OLFM3: variants seen among roughly 807,000 people sequenced by gnomAD.
The protein encoded by OLFM3 is olfactomedin 3.
OLFM3 carries 20 observed loss-of-function variants against 48.6 expected under a neutral mutation model. The ratio of observed to expected loss-of-function variants is 0.41; its 90% confidence interval spans 0.29 to 0.60. The LOEUF is 0.60. Ranked by LOEUF, OLFM3 falls within the 20% of genes least tolerant of loss-of-function variation. OLFM3 has a pLI of 0.28. For missense variants in OLFM3, 437 were observed against 544.3 expected (o/e 0.80, Z 1.96); for synonymous variants, 222 against 198.1 (o/e 1.12, Z -1.01).
At chr1:101,871,525 T>C (rs982380925) in intron 1 of OLFM3, among the ~76,000 whole-genome samples, 4 of 152,088 alleles carry the variant, frequency 2.6e-5, no homozygotes, top group Non-Finnish European at 4.4e-5. Flanking sequence ...TAAGAATTGA[T>C]AGCTTGACAG....
chr1:101,885,666 A>G (rs1415866508), intron 1 of OLFM3, among the ~76,000 whole-genome samples: 1 of 151,976 alleles, frequency 6.6e-6, no homozygotes, highest in Non-Finnish European at 1.5e-5. Flanking sequence ...TAGTAAATAA[A>G]TTTTCTCTTT....
chr1:101,942,091 G>A (rs1469768100), intron 1 of OLFM3, among the ~76,000 whole-genome samples: 13 of 152,168 alleles, frequency 8.5e-5, no homozygotes. Context: ...AATTACAACT[G>A]TCTAGCTATA....
chr1:101,974,212 T>C (rs1173750499), intron 1 of OLFM3, among the ~76,000 whole-genome samples: 1 of 152,168 alleles, frequency 6.6e-6, no homozygotes, highest in African/African-American at 2.4e-5. Context: ...ATTGGGTCTA[T>C]GTTTAATGCT....
At chr1:101,880,536 G>C (rs1657481789) in intron 1 of OLFM3, among the ~76,000 whole-genome samples, 1 of 151,742 alleles carries the variant, frequency 6.6e-6, no homozygotes. Context: ...CAGTCTTTCT[G>C]TATTGAGAAG....
At position 101,858,220 on chromosome 1, in the gene OLFM3, A is replaced by G. The variant is rs12122953; in HGVS notation, c.70-21195T>C. Among the ~76,000 whole-genome samples the G allele has an allele frequency of 7.6e-3, 1,161 of 152,242 alleles. 16 individuals are homozygous for G. The highest frequency in any genetic ancestry group is 0.047 in the South Asian group (229 of 4,830). The stretch of plus-strand genomic sequence containing the variant: ...TAATATGTGTACTAATATCTATTAA[A>G]GTATCCATATAAGTGAGTTAATATT... On this transcript the variant is annotated intron_variant, in intron 1 of 5. Coordinates refer to ENST00000370103, the MANE Select transcript of OLFM3 (RefSeq NM_058170.4).
chr1:101,811,218 C>CGGAAACACAATCTGTAAAAATTTATGGCA lies in OLFM3; in HGVS notation c.593-5065_593-5037dup, dbSNP rs1654031882. ...TTTATACTCAGAGGAAATTACCAAG[C>CGGAAACACAATCTGTAAAAATTTATGGCA]GGAAACACAATCTGTAAAAATTTAT... On this transcript the variant is annotated intron_variant, in intron 4 of 5. Coordinates refer to ENST00000370103, the MANE Select transcript of OLFM3 (RefSeq NM_058170.4). Among the ~76,000 whole-genome samples the CGGAAACACAATCTGTAAAAATTTATGGCA allele has an allele frequency of 3.3e-5, 5 of 151,930 alleles. No homozygotes were observed. In the South Asian group the frequency reaches 1.0e-3, roughly 31 times the overall value.
intron 1 of OLFM3, among the ~76,000 whole-genome samples, chr1:101,974,357 T>G (rs1660890905): frequency 6.6e-6 from 1 of 152,190 alleles, no homozygotes; most frequent in Non-Finnish European, 1.5e-5. Context: ...ACCTGCTGAT[T>G]GCTAATTATT....
intron 3 of OLFM3, among the ~76,000 whole-genome samples, chr1:101,830,077 A>C (rs1655074868): frequency 6.6e-6 from 1 of 151,874 alleles, no homozygotes; most frequent in Non-Finnish European, 1.5e-5. Context: ...TGACCTTGTG[A>C]TCTGCCCACC....
chr1:101,949,680 T>C (rs569895284), intron 1 of OLFM3, among the ~76,000 whole-genome samples: 28 of 152,116 alleles, frequency 1.8e-4, no homozygotes, highest in African/African-American at 6.3e-4. Flanking sequence ...CCTGTAATCC[T>C]AGCACTTTGG....
At chr1:101,881,277 A>G (rs1354627896) in intron 1 of OLFM3, among the ~76,000 whole-genome samples, 2 of 151,902 alleles carry the variant, frequency 1.3e-5, no homozygotes, top group Non-Finnish European at 2.9e-5. Context: ...AAAATTTACT[A>G]AAAGAAAAGA....
intron 1 of OLFM3, among the ~76,000 whole-genome samples, chr1:101,878,624 T>G (rs1013921039): frequency 6.6e-6 from 1 of 151,858 alleles, no homozygotes; most frequent in Admixed American, 6.6e-5. Context: ...CCTGGGCTCA[T>G]GCGGGAAGCC....
intron 2 of OLFM3, among the ~76,000 whole-genome samples, chr1:101,836,461 C>A (rs1353506222): frequency 6.6e-6 from 1 of 152,156 alleles, no homozygotes; most frequent in African/African-American, 2.4e-5. Flanking sequence ...CATTATCTGT[C>A]CAGATAGCTT....
chr1:101,925,113 A>G (rs1056855050), intron 1 of OLFM3, among the ~76,000 whole-genome samples: 3 of 152,200 alleles, frequency 2.0e-5, no homozygotes, highest in African/African-American at 7.2e-5. Flanking sequence ...AGACCAGGTT[A>G]TGGGTTTTCA....
At chr1:101,864,492 A>AT (rs1656781323) in intron 1 of OLFM3, among the ~76,000 whole-genome samples, 1 of 152,216 alleles carries the variant, frequency 6.6e-6, no homozygotes, top group African/African-American at 2.4e-5. Flanking sequence ...ATTTTTATTT[A>AT]TTAGCAATAT....
At chr1:101,864,172 T>A (rs1429077386) in intron 1 of OLFM3, among the ~76,000 whole-genome samples, 2 of 152,184 alleles carry the variant, frequency 1.3e-5, no homozygotes, top group Non-Finnish European at 2.9e-5. Context: ...GTCAGTATAA[T>A]GTGAATTTGT....
rs138173494 is a variant in OLFM3 at position 101,901,975 on chromosome 1, T to A, written c.70-64950A>T. ...TATTCAAGAATCATCTGCGTGGAGATGAGATAAAAAAACTTCAGAATGAAT... is the reference window on the plus strand; with the variant it reads ...TATTCAAGAATCATCTGCGTGGAGAAGAGATAAAAAAACTTCAGAATGAAT... On this transcript the variant is annotated intron_variant, in intron 1 of 5. Coordinates refer to ENST00000370103, the MANE Select transcript of OLFM3 (RefSeq NM_058170.4). Among the ~76,000 whole-genome samples, 96 of 151,780 alleles carry A rather than the reference T, an allele frequency of 6.3e-4. 2 individuals carry two copies. The South Asian group carries it at 0.015, about 23-fold the overall frequency.
intron 1 of OLFM3, among the ~76,000 whole-genome samples, chr1:101,958,633 T>C (rs1010992034): frequency 1.3e-5 from 2 of 152,012 alleles, no homozygotes; most frequent in African/African-American, 4.8e-5. Flanking sequence ...AATCAGGCGA[T>C]GAAAAGCGGA....
intron 1 of OLFM3, among the ~76,000 whole-genome samples, chr1:101,966,656 A>T (rs1006660698): frequency 1.3e-5 from 2 of 152,122 alleles, no homozygotes; most frequent in Admixed American, 6.6e-5. Context: ...GATGACAGAA[A>T]ACCAATCAGT....
intron 1 of OLFM3, among the ~76,000 whole-genome samples, chr1:101,849,072 G>C (rs1422554167): frequency 3.9e-5 from 6 of 152,174 alleles, no homozygotes; most frequent in Non-Finnish European, 8.8e-5. Context: ...AATTGAAGTA[G>C]AACAATGGTA....
Sources: gnomAD v4.1 joint callset for allele counts (sites outside exome capture counted in the v4.1 genomes callset) on GRCh38, gnomAD v4.1.1 for gene constraint, MANE v1.5 for transcripts, NCBI Gene and HGNC (gene_info 2026-07-23, HGNC 2026-07-21) for gene names.